The following ZNF428 variants were observed in gnomAD, a reference collection of about 807,000 sequenced individuals.
ZNF428 encodes zinc finger protein 428.
In ZNF428, 5 loss-of-function variants were observed where a neutral mutation model predicts 15.6. The observed-to-expected ratio is 0.32, with a 90% CI of 0.17 to 0.67. The LOEUF (loss-of-function observed/expected upper bound fraction) is 0.67. Among genes scored for constraint, ZNF428 ranks in the 30% least tolerant of loss-of-function variants. The pLI is 0.73. For synonymous variants in ZNF428, 97 were observed against 102.2 expected, an observed-to-expected ratio of 0.95 and a Z score of 0.31; for missense variants, 237 against 256.0, an observed-to-expected ratio of 0.93 and a Z score of 0.51.
At chr19:43,613,562 A>G (rs1324977771) in intron 2 of ZNF428, 6 of 1,551,412 alleles carry the variant, frequency 3.9e-6, no homozygotes, top group East Asian at 4.9e-5. Context: ...AAGCCCCAGC[A>G]AGGAAAGAGA....
intron 2 of ZNF428, chr19:43,613,349 G>C: frequency 6.4e-7 from 1 of 1,550,912 alleles, no homozygotes; most frequent in Non-Finnish European, 8.7e-7. Context: ...TCCCAACAAG[G>C]CGAGAGATCG....
At chr19:43,608,773 C>G (rs1411060222) in intron 2 of ZNF428, among the ~76,000 whole-genome samples, 1 of 150,462 alleles carries the variant, frequency 6.6e-6, no homozygotes, top group East Asian at 2.0e-4. Context: ...ACTAAAAATA[C>G]AAAAATTAGC....
Position 43,607,673 on chromosome 19 carries a change from C to A in ZNF428, c.511G>T (p.Asp171Tyr). The change falls in exon 3 of 3, where the codon GAC (aspartate) becomes TAC (tyrosine). Residue 171 changes from aspartate (D) to tyrosine (Y), a missense_variant. Physicochemically the swap from Asp to Tyr is radical, Grantham distance 160. Transcript: ENST00000300811. The surrounding 1 kb of genome is among the most constrained non-coding windows in gnomAD (Gnocchi z 5.1). ...YHCTECEDSF[D>Y]NLGELHGHFM... ...TGCCCGTGCAGCTCCCCCAGGTTGT[C>A]GAAGGAATCCTCACATTCCGTACAG... is the stretch of plus-strand genomic sequence containing the variant. The A allele has an allele frequency of 6.2e-7, 1 of 1,611,498 alleles. No homozygotes were observed. Among genetic ancestry groups the A allele is most frequent in the African/African-American group, 1.3e-5 (1 of 75,010 alleles).
At position 43,612,464 on chromosome 19, in the gene ZNF428, AGGGGCACACACAGCC is replaced by A. The variant is rs563391933; in HGVS notation, c.76+1750_76+1764del. ...CAGCGACGTGAGATGCCACCAGCGG[AGGGGCACACACAGCC>A]GGGGTAGGACACCTGGCAGAAGGGG... On this transcript the variant is annotated intron_variant, in intron 2 of 2. Transcript: ENST00000300811. This position sits in a 1 kb window ranked among gnomAD's most constrained non-coding sequence, Gnocchi z 4.2. 1.8e-3 allele frequency: 2,810 copies of A among 1,551,594 alleles called. 6 individuals are homozygous for A. Among genetic ancestry groups the A allele is most frequent in the Middle Eastern group, 5.0e-3 (30 of 5,992 alleles).
At position 43,607,333 on chromosome 19, in the gene ZNF428, A is replaced by G. The variant is rs757673799; in HGVS notation, c.*284T>C. ...CACGCAGTAAATGTTATCTTTCCCA[A>G]AAGACCCCAAGGTTCCCCAAGAAGG... is the stretch of plus-strand genomic sequence containing the variant. On this transcript the variant is annotated 3_prime_UTR_variant, in exon 3 of 3. Transcript: ENST00000300811. The surrounding 1 kb of genome is among the most constrained non-coding windows in gnomAD (Gnocchi z 5.1). 18 of 395,592 alleles carry G rather than the reference A, an allele frequency of 4.6e-5. No individual in the cohort carries two copies. Among genetic ancestry groups the G allele is most frequent in the Admixed American group, 1.7e-4 (4 of 23,290 alleles). 24.5% of individuals were successfully genotyped at this position (395,592 alleles called of 1,614,324 possible).
chr19:43,611,424 A>T (rs946373080), intron 2 of ZNF428, among the ~76,000 whole-genome samples: 6 of 151,596 alleles, frequency 4.0e-5, no homozygotes, highest in African/African-American at 1.5e-4. Context: ...GGTTCAAGCG[A>T]TCCTCCCACC....
At position 43,607,506 on chromosome 19, in the gene ZNF428, A is replaced by G. The variant is rs985444048; in HGVS notation, c.*111T>C. ...CCATCACACATCTACTTCTAAGACA[A>G]CACAGACCGGCAGTACCCCATCCCC... is the stretch of plus-strand genomic sequence containing the variant. On this transcript the variant is annotated 3_prime_UTR_variant, in exon 3 of 3. Coordinates refer to ENST00000300811, the MANE Select transcript of ZNF428 (RefSeq NM_182498.4). The surrounding 1 kb of genome is among the most constrained non-coding windows in gnomAD (Gnocchi z 5.1). 2.0e-5 allele frequency: 27 copies of G among 1,352,544 alleles called. No homozygotes were observed. The African/African-American group carries it at 3.5e-4, about 18-fold the overall frequency. 83.8% of individuals were successfully genotyped at this position (1,352,544 alleles called of 1,614,324 possible).
chr19:43,617,748 C>G (rs924118448), intron 1 of ZNF428, among the ~76,000 whole-genome samples: 1 of 152,210 alleles, frequency 6.6e-6, no homozygotes, highest in Non-Finnish European at 1.5e-5. Flanking sequence ...CACTATGTTG[C>G]GAAGGCTGCT....
chr19:43,613,454 A>G (rs1026029389), intron 2 of ZNF428: 99 of 1,548,612 alleles, frequency 6.4e-5, no homozygotes, highest in Non-Finnish European at 8.2e-5. Flanking sequence ...AAGTCCCTAC[A>G]AGGCGAGAGA....
Position 43,607,968 on chromosome 19 carries a change from G to A in ZNF428, c.216C>T (p.Gly72=), listed in dbSNP as rs374672649. ...GGCGGGATGGGCCACCACGGCCCCC[G>A]CCAAGGCGCTGCTTCACCTTGTAGC... ...DPGYKVKQRL[G]GGRGGPSRRA... is the part of the protein sequence containing the mutation. Residue 72 remains glycine (G), a synonymous_variant, in exon 3 of 3, where the codon GGC becomes GGT. Coordinates refer to ENST00000300811, the MANE Select transcript of ZNF428 (RefSeq NM_182498.4). The surrounding 1 kb of genome is among the most constrained non-coding windows in gnomAD (Gnocchi z 5.1). 93 of 1,602,596 alleles carry A rather than the reference G, an allele frequency of 5.8e-5. 1 individual carries two copies. The African/African-American group carries it at 8.0e-4, about 14-fold the overall frequency.
intron 1 of ZNF428, among the ~76,000 whole-genome samples, 179 bp downstream of exon 1, chr19:43,619,379 G>A (rs1292452759): frequency 6.6e-6 from 1 of 152,236 alleles, no homozygotes; most frequent in African/African-American, 2.4e-5. Context: ...GGAGCGCTCG[G>A]TTCTCCCAGG....
At position 43,609,359 on chromosome 19, in the gene ZNF428, G is replaced by GGAGAGAGAGAGAGAGAGAAA. The variant is rs369453719; in HGVS notation, c.77-1253_77-1252insTTTCTCTCTCTCTCTCTCTC. Among the ~76,000 whole-genome samples, 276 of 81,852 alleles carry GGAGAGAGAGAGAGAGAGAAA rather than the reference G, an allele frequency of 3.4e-3. 2 individuals are homozygous for GGAGAGAGAGAGAGAGAGAAA. Among genetic ancestry groups the GGAGAGAGAGAGAGAGAGAAA allele is most frequent in the African/African-American group, 9.2e-3 (252 of 27,448 alleles). The allele number at this position is 81,852 out of a possible 152,430, so 53.7% of individuals were successfully genotyped here. ...GATGTACTTTTATATCTGTGGCCATGGAGAGAGAGAGAGAGAGAGTTAGGT... is the reference window on the plus strand; with the variant it reads ...GATGTACTTTTATATCTGTGGCCATGGAGAGAGAGAGAGAGAGAAAGAGAGAGAGAGAGAGAGAGTTAGGT... On this transcript the variant is annotated intron_variant, in intron 2 of 2. Coordinates refer to ENST00000300811, the MANE Select transcript of ZNF428 (RefSeq NM_182498.4).
At position 43,607,391 on chromosome 19, in the gene ZNF428, ACACAAACACACACACGGGCGGGAATAC is replaced by A. The variant is rs1973248886; in HGVS notation, c.*199_*225del. 1 of 538,516 alleles carries A rather than the reference ACACAAACACACACACGGGCGGGAATAC, an allele frequency of 1.9e-6. No individual in the cohort carries two copies. The highest frequency in any genetic ancestry group is 3.3e-5 in the East Asian group (1 of 30,660). The allele number at this position is 538,516 out of a possible 1,614,324, so 33.4% of individuals were successfully genotyped here. On this transcript the variant is annotated 3_prime_UTR_variant, in exon 3 of 3. Transcript: ENST00000300811. This position sits in a 1 kb window ranked among gnomAD's most constrained non-coding sequence, Gnocchi z 5.1. ...GGGGAATACACACACACACACACAC[ACACAAACACACACACGGGCGGGAATAC>A]ACACACACACACACACACTCTGAAC...
chr19:43,607,969 C>G lies in ZNF428; in HGVS notation c.215G>C (p.Gly72Ala). Residue 72 changes from glycine (G) to alanine (A), a missense_variant, in exon 3 of 3, where the codon GGC becomes GCC. Transcript: ENST00000300811. The surrounding 1 kb of genome is among the most constrained non-coding windows in gnomAD (Gnocchi z 5.1). ...DPGYKVKQRLGGGRGGPSRRA... is the reference protein window; with the variant it reads ...DPGYKVKQRLAGGRGGPSRRA... ...GCGGGATGGGCCACCACGGCCCCCGCCAAGGCGCTGCTTCACCTTGTAGCC... is the reference window on the plus strand; with the variant it reads ...GCGGGATGGGCCACCACGGCCCCCGGCAAGGCGCTGCTTCACCTTGTAGCC... 6.2e-7 allele frequency: 1 copy of G among 1,603,972 alleles called. No homozygotes were observed. Among genetic ancestry groups the G allele is most frequent in the Non-Finnish European group, 8.5e-7 (1 of 1,175,530 alleles).
chr19:43,619,591 G>C lies in ZNF428; in HGVS notation c.-164C>G, dbSNP rs1292797779. 4 of 152,338 alleles carry C rather than the reference G, an allele frequency of 2.6e-5. No homozygotes were observed. The highest frequency in any genetic ancestry group is 4.4e-5 in the Non-Finnish European group (3 of 68,124). 9.4% of individuals were successfully genotyped at this position (152,338 alleles called of 1,614,324 possible). ...GCGGCCCCCGCTCCGGCTCTGCGGC[G>C]GCGGCTGCACGCCCAGCCTCTGCGC... On this transcript the variant is annotated 5_prime_UTR_variant, in exon 1 of 3. Transcript: ENST00000300811.
At chr19:43,611,923 A>G (rs894529880) in intron 2 of ZNF428, 7 of 604,152 alleles carry the variant, frequency 1.2e-5, no homozygotes, top group Non-Finnish European at 5.9e-6. Flanking sequence ...ACCAGAGGAA[A>G]TATCTCCAGC....
intron 2 of ZNF428, chr19:43,613,432 C>A: frequency 6.5e-7 from 1 of 1,544,162 alleles, no homozygotes; most frequent in Non-Finnish European, 8.7e-7. Context: ...CGAGAGATTG[C>A]AGCCGATCTA....
At chr19:43,617,251 C>T (rs1178380161) in intron 1 of ZNF428, among the ~76,000 whole-genome samples, 3 of 152,062 alleles carry the variant, frequency 2.0e-5, no homozygotes, top group Non-Finnish European at 2.9e-5. Context: ...GGACCGCCCC[C>T]GCCCCCCACC....
In ZNF428 at chr19:43,607,946, G is replaced by A. The variant is rs1260892028; in HGVS notation, c.238C>T (p.Arg80Cys). The A allele has an allele frequency of 5.0e-6, 8 of 1,587,342 alleles. No individual in the cohort carries two copies. Among genetic ancestry groups the A allele is most frequent in the Non-Finnish European group, 6.0e-6 (7 of 1,167,178 alleles). The change falls in exon 3 of 3, where the codon CGC becomes TGC. Residue 80 changes from arginine (R) to cysteine (C), a missense_variant. By Grantham distance (180) the Arg-to-Cys change is radical. Transcript: ENST00000300811. The surrounding 1 kb of genome is among the most constrained non-coding windows in gnomAD (Gnocchi z 5.1). The stretch of plus-strand genomic sequence containing the variant: ...GGCTGGGCTGCACGGGGGGCCCGGC[G>A]GGATGGGCCACCACGGCCCCCGCCA... ...RLGGGRGGPS[R>C]RAPRAAQPPA...
Sources: gnomAD v4.1 joint callset for allele counts (sites outside exome capture counted in the v4.1 genomes callset) on GRCh38, gnomAD v4.1.1 for gene constraint, Gnocchi (gnomAD v3.1) non-coding constraint, MANE v1.5 for transcripts, NCBI Gene and HGNC (gene_info 2026-07-23, HGNC 2026-07-21) for gene names.